The following GRIP2 variants were observed in gnomAD, a reference collection of about 807,000 sequenced individuals.
GRIP2 encodes the protein glutamate receptor-interacting protein 2.
GRIP2 carries 58 observed loss-of-function variants against 108.3 expected under a neutral mutation model. The observed-to-expected ratio is 0.54, with a 90% CI of 0.43 to 0.67. GRIP2 has a LOEUF of 0.67. GRIP2 is among the 30% of genes least tolerant of loss of function. The probability of loss-of-function intolerance (pLI) is 0.00; values close to 1 mark genes in which losing one functional copy is unlikely to be tolerated. For synonymous variants in GRIP2, 586 were observed against 598.2 expected (o/e 0.98, Z 0.30); for missense variants, 1,278 against 1,430.6 (o/e 0.89, Z 1.72).
At chr3:14,597,109 C>G in the GRIP2 span, among the ~76,000 whole-genome samples, 1 of 152,186 alleles carries the variant, frequency 6.6e-6, no homozygotes, top group South Asian at 2.1e-4. Flanking sequence ...AAGGGAACAG[C>G]AAGTGCAAAG....
chr3:14,545,266 A>C (rs954430718), upstream of GRIP2, among the ~76,000 whole-genome samples: 6 of 152,380 alleles, frequency 3.9e-5, no homozygotes, highest in South Asian at 6.2e-4. Flanking sequence ...AGAGATGAGG[A>C]AGCCAGGGCC....
chr3:14,519,161 C>T (rs187531401), intron 9 of GRIP2, among the ~76,000 whole-genome samples: 5 of 152,340 alleles, frequency 3.3e-5, no homozygotes, highest in African/African-American at 9.6e-5. Flanking sequence ...CCTAATGTCA[C>T]CCAGACCAGT....
chr3:14,542,180 GCGTCT>G, upstream of GRIP2: 1 of 730,186 alleles, frequency 1.4e-6, no homozygotes, highest in Non-Finnish European at 1.9e-6. Context: ...TTGTGACACA[GCGTCT>G]CACTCTGTCA....
At chr3:14,524,197 T>A in intron 4 of GRIP2, 196 bp downstream of exon 4, 2 of 610,130 alleles carry the variant, frequency 3.3e-6, no homozygotes, top group East Asian at 5.6e-5. Context: ...GGCTATAGAG[T>A]CCCACCACCT....
At chr3:14,589,683 G>T in the GRIP2 span, among the ~76,000 whole-genome samples, 2 of 151,974 alleles carry the variant, frequency 1.3e-5, no homozygotes, top group Non-Finnish European at 2.9e-5. Context: ...CATATCGACA[G>T]GTAACTGTCA....
the GRIP2 span, among the ~76,000 whole-genome samples, chr3:14,571,167 T>A: frequency 6.6e-6 from 1 of 152,182 alleles, no homozygotes; most frequent in Non-Finnish European, 1.5e-5. Flanking sequence ...TTCCTGTGTG[T>A]GTGAGAGAAC....
Position 14,496,573 on chromosome 3 carries a change from C to A in GRIP2, c.2680-13G>T, listed in dbSNP as rs202112186. 2 of 1,589,060 alleles carry A rather than the reference C, an allele frequency of 1.3e-6. No individual in the cohort carries two copies. The highest frequency in any genetic ancestry group is 1.7e-5 in the Admixed American group (1 of 57,888). ...TCATGATGGATGCCTGCAAGGAACACGGCCTTTCTTTCAGATGCTTGTTGG... is the reference window on the plus strand; with the variant it reads ...TCATGATGGATGCCTGCAAGGAACAAGGCCTTTCTTTCAGATGCTTGTTGG... On this transcript the variant is annotated splice_polypyrimidine_tract_variant and intron_variant, in intron 21 of 23. Coordinates refer to ENST00000621039, the MANE Select transcript of GRIP2 (RefSeq NM_001080423.4).
chr3:14,551,283 CGACA>C (rs1695143863), intron 1 of GRIP2, among the ~76,000 whole-genome samples: 1 of 152,182 alleles, frequency 6.6e-6, no homozygotes. Flanking sequence ...ACATTCAAGC[CGACA>C]GACAGAGACA....
chr3:14,500,163 C>G (rs142418303), intron 21 of GRIP2, among the ~76,000 whole-genome samples: 5 of 152,150 alleles, frequency 3.3e-5, no homozygotes, highest in Non-Finnish European at 1.5e-5. Context: ...ATAAATACAG[C>G]CAAGGAAAGA....
chr3:14,549,264 A>G (rs1037949191), intron 1 of GRIP2, among the ~76,000 whole-genome samples: 13 of 152,242 alleles, frequency 8.5e-5, no homozygotes, highest in African/African-American at 3.1e-4. Flanking sequence ...TCTGCTGTCT[A>G]GTACAGCTTG....
At chr3:14,540,751 G>A (rs138120823), upstream of GRIP2, among the ~76,000 whole-genome samples, 2 of 152,050 alleles carry the variant, frequency 1.3e-5, no homozygotes, top group African/African-American at 4.8e-5. This position sits in a 1 kb window ranked among gnomAD's most constrained non-coding sequence, Gnocchi z 4.1. Flanking sequence ...AGAACCCCAG[G>A]ACATAAGCTA....
the GRIP2 span, among the ~76,000 whole-genome samples, chr3:14,602,931 C>T: frequency 1.3e-5 from 2 of 149,630 alleles, no homozygotes; most frequent in Non-Finnish European, 3.0e-5. The surrounding 1 kb of genome is among the most constrained non-coding windows in gnomAD (Gnocchi z 4.7). Flanking sequence ...GTCTTACCTT[C>T]GTCCGGCAGC....
At chr3:14,592,644 T>A in the GRIP2 span, among the ~76,000 whole-genome samples, 1 of 152,196 alleles carries the variant, frequency 6.6e-6, no homozygotes, top group Admixed American at 6.5e-5. Context: ...GAGTGTTTGA[T>A]GTCACACATG....
exon 1 of GRIP2, chr3:14,556,050 G>A (rs899256981): frequency 2.5e-5 from 10 of 398,440 alleles, no homozygotes; most frequent in Non-Finnish European, 4.0e-5. Flanking sequence ...AGCTGCTTGC[G>A]CTAACTGGCA....
chr3:14,524,371 T>G, intron 4 of GRIP2, 22 bp downstream of exon 4: 1 of 1,604,340 alleles, frequency 6.2e-7, no homozygotes, highest in Non-Finnish European at 8.5e-7. Context: ...GTGGAGAAAG[T>G]TCCCCGTCCA....
intron 16 of GRIP2, among the ~76,000 whole-genome samples, chr3:14,510,255 GTTGTT>G (rs1426938114): frequency 2.8e-4 from 35 of 124,628 alleles, no homozygotes; most frequent in African/African-American, 9.4e-4. Context: ...CCGATCATCC[GTTGTT>G]TTTTTTTTTT....
chr3:14,574,897 G>A, the GRIP2 span: 1 of 269,000 alleles, frequency 3.7e-6, no homozygotes, highest in Non-Finnish European at 7.3e-6. Context: ...GGACAGTGAA[G>A]CATATACGCT....
the GRIP2 span, among the ~76,000 whole-genome samples, chr3:14,600,363 G>A: frequency 6.6e-6 from 1 of 152,294 alleles, no homozygotes; most frequent in Admixed American, 6.5e-5. Context: ...ACCCCGCGAG[G>A]CTGCCCCTCC....
At chr3:14,591,681 C>T in the GRIP2 span, among the ~76,000 whole-genome samples, 2 of 152,156 alleles carry the variant, frequency 1.3e-5, no homozygotes, top group Admixed American at 6.5e-5. Context: ...GGGTTTTAGC[C>T]AAACCGTGCC....
Sources: allele counts gnomAD v4.1 joint callset (sites outside exome capture counted in the v4.1 genomes callset), GRCh38; gene constraint gnomAD v4.1.1; non-coding constraint Gnocchi (gnomAD v3.1); transcripts MANE v1.5; gene names NCBI Gene and HGNC (gene_info 2026-07-23, HGNC 2026-07-21).